TBX2: variants seen among roughly 807,000 people sequenced by gnomAD.
TBX2 encodes T-box transcription factor TBX2.
TBX2 carries 19 observed loss-of-function variants against 48.4 expected under a neutral mutation model. The observed-to-expected ratio is 0.39, with a 90% CI of 0.27 to 0.58. The LOEUF (loss-of-function observed/expected upper bound fraction) is 0.58, where lower values mean the gene tolerates loss of function less well. Ranked by LOEUF, TBX2 falls within the 20% of genes least tolerant of loss-of-function variation. TBX2 has a pLI of 0.54. For synonymous variants in TBX2, 522 were observed against 459.7 expected (o/e 1.14, Z -1.73); for missense variants, 994 against 1,006.5 (o/e 0.99, Z 0.17).
intron 2 of TBX2, 38 bp downstream of exon 2, chr17:61,401,989 T>G: frequency 6.5e-7 from 1 of 1,549,762 alleles, no homozygotes; most frequent in African/African-American, 1.4e-5. Flanking sequence ...TGCAGGAGCT[T>G]GTTGACCCAG....
intron 6 of TBX2, 123 bp from the exon 7 acceptor site, chr17:61,407,931 T>C (rs1043056459): frequency 2.4e-6 from 3 of 1,258,280 alleles, no homozygotes; most frequent in South Asian, 2.9e-5. Context: ...GTTATAGTTA[T>C]GCGAATTGTG....
intron 2 of TBX2, among the ~76,000 whole-genome samples, chr17:61,402,275 G>A (rs1184141799): frequency 6.6e-6 from 1 of 152,260 alleles, no homozygotes; most frequent in Non-Finnish European, 1.5e-5. Flanking sequence ...GACCACGGAG[G>A]TCACCCTGCT....
Position 61,400,260 on chromosome 17 carries a change from C to A in TBX2, c.84C>A (p.Ala28=). 1 of 1,203,142 alleles carries A rather than the reference C, an allele frequency of 8.3e-7. No homozygotes were observed. The highest frequency in any genetic ancestry group is 1.1e-6 in the Non-Finnish European group (1 of 944,944). The allele number at this position is 1,203,142 out of a possible 1,614,324, so 74.5% of individuals were successfully genotyped here. A position where few individuals can be genotyped will look rare whatever the true frequency, so the allele number is the denominator to read the frequency against. Residue 28 remains alanine, a synonymous_variant, in exon 1 of 7, where the codon GCC becomes GCA. Transcript: ENST00000240328. The surrounding 1 kb of genome is among the most constrained non-coding windows in gnomAD (Gnocchi z 9.2). ...APRPADFPMS[A]FLAAAQPSFF... ...GGCCCGCCGACTTCCCCATGTCCGC[C>A]TTTCTGGCGGCGGCGCAGCCCTCCT...
In TBX2 at chr17:61,404,588, T is replaced by A. The variant is rs745505516; in HGVS notation, c.888-18T>A. 6.3e-7 allele frequency: 1 copy of A among 1,589,718 alleles called. No homozygotes were observed. The highest frequency in any genetic ancestry group is 8.6e-7 in the Non-Finnish European group (1 of 1,166,450). ...GGGATGGGCTCCCCGCTGACCTGGTTCATCCGCTCATCCCCAGGAAGCAGC... is the reference window on the plus strand; with the variant it reads ...GGGATGGGCTCCCCGCTGACCTGGTACATCCGCTCATCCCCAGGAAGCAGC... On this transcript the variant is annotated intron_variant, in intron 4 of 6. Coordinates refer to ENST00000240328, the MANE Select transcript of TBX2 (RefSeq NM_005994.4).
intron 3 of TBX2, among the ~76,000 whole-genome samples, chr17:61,404,180 G>T (rs538234010): frequency 6.6e-6 from 1 of 152,290 alleles, no homozygotes; most frequent in South Asian, 2.1e-4. Flanking sequence ...CCTGTGTGGG[G>T]CTGTCTAGGC....
chr17:61,409,263 G>C lies in TBX2; in HGVS notation c.*757G>C, dbSNP rs3198587. 0.17 allele frequency: 26,168 copies of C among 152,252 alleles called. 2,680 individuals are homozygous for C. The highest frequency in any genetic ancestry group is 0.31 in the East Asian group (1,586 of 5,104). The allele number at this position is 152,252 out of a possible 1,614,324, so 9.4% of individuals were successfully genotyped here. Reference sequence around the variant, plus strand: ...TGAGCATCTATATTGTACAGGGCTGGGGGGGCCCTTGGCTGCGGGAGAAGG... The same window carrying C: ...TGAGCATCTATATTGTACAGGGCTGCGGGGGCCCTTGGCTGCGGGAGAAGG... On this transcript the variant is annotated 3_prime_UTR_variant, in exon 7 of 7. Transcript: ENST00000240328.
intron 2 of TBX2, 112 bp from the exon 3 acceptor site, chr17:61,402,949 A>AAGTG: frequency 4.9e-6 from 5 of 1,019,144 alleles, no homozygotes; most frequent in East Asian, 7.0e-5. Flanking sequence ...AGAGAGAGAG[A>AAGTG]GAGAGAGAGA....
In TBX2 at chr17:61,404,746, C is replaced by G; in HGVS notation, c.1028C>G (p.Pro343Arg). 1 of 1,549,912 alleles carries G rather than the reference C, an allele frequency of 6.5e-7. No individual in the cohort carries two copies. Among genetic ancestry groups the G allele is most frequent in the Non-Finnish European group, 8.7e-7 (1 of 1,149,674 alleles). ...ACCTCCCCGGGCGCAGCGCCCAGTC[C>G]GCTGCGCCTGCACCGGGCCCGAGGT... ...PPTSPGAAPS[P>R]LRLHRARAEE... is the part of the protein sequence containing the mutation. The change falls in exon 5 of 7, where the codon CCG becomes CGG. Residue 343 changes from proline to arginine, a missense_variant. Physicochemically the swap from Pro to Arg is moderately radical, Grantham distance 103. Transcript: ENST00000240328.
chr17:61,404,070 C>G (rs1054239380), intron 3 of TBX2, among the ~76,000 whole-genome samples: 5 of 152,218 alleles, frequency 3.3e-5, no homozygotes, highest in Admixed American at 1.3e-4. Flanking sequence ...ACTGCAGTCT[C>G]TGTTCGCGCC....
rs1431805015 is a variant in TBX2 at position 61,406,277 on chromosome 17, A to T, written c.1686+441A>T. The T allele has an allele frequency of 6.2e-6, 1 of 161,996 alleles. No individual in the cohort carries two copies. Among genetic ancestry groups the T allele is most frequent in the Non-Finnish European group, 1.3e-5 (1 of 74,984 alleles). 10.0% of individuals were successfully genotyped at this position (161,996 alleles called of 1,614,324 possible). ...CTGAAAGGCTAAGGTGGCCAGACAGACAAAGGGAGAAGGAACATTTGCATT... is the reference window on the plus strand; with the variant it reads ...CTGAAAGGCTAAGGTGGCCAGACAGTCAAAGGGAGAAGGAACATTTGCATT... On this transcript the variant is annotated intron_variant, in intron 6 of 6. Transcript: ENST00000240328. The surrounding 1 kb of genome is among the most constrained non-coding windows in gnomAD (Gnocchi z 5.7).
rs34493156 is a variant in TBX2, at chr17:61,408,360, C to T, written c.1993C>T (p.Arg665Cys). Reference sequence around the variant, plus strand: ...TAGCCCCCTGCCCGAGCTGGCTCTCCGCAAAGTAGGGGCCCCATCCCGCGG... The same window carrying T: ...TAGCCCCCTGCCCGAGCTGGCTCTCTGCAAAGTAGGGGCCCCATCCCGCGG... ...EPSPLPELAL[R>C]KVGAPSRGAL... is the part of the protein sequence containing the mutation. The change falls in exon 7 of 7, where the codon CGC becomes TGC. Residue 665 changes from arginine (R) to cysteine (C), a missense_variant. Physicochemically the swap from Arg to Cys is radical, Grantham distance 180. Coordinates refer to ENST00000240328, the MANE Select transcript of TBX2 (RefSeq NM_005994.4). 9.1e-5 allele frequency: 145 copies of T among 1,587,128 alleles called. No individual in the cohort carries two copies. The highest frequency in any genetic ancestry group is 5.2e-4 in the East Asian group (22 of 42,648).
rs559389477 is a variant in TBX2, at chr17:61,403,370, G to A, written c.810+163G>A. Among the ~76,000 whole-genome samples, 8 of 152,344 alleles carry A rather than the reference G, an allele frequency of 5.3e-5. No homozygotes were observed. Among genetic ancestry groups the A allele is most frequent in the African/African-American group, 1.7e-4 (7 of 41,582 alleles). The stretch of plus-strand genomic sequence containing the variant: ...TCGCATCCATACGCGCAGCACTCAC[G>A]GAAGTCCTCAAGGCGCCCTCTCAAT... On this transcript the variant is annotated intron_variant, in intron 3 of 6. Coordinates refer to ENST00000240328, the MANE Select transcript of TBX2 (RefSeq NM_005994.4). The surrounding 1 kb of genome is among the most constrained non-coding windows in gnomAD (Gnocchi z 5.8).
In TBX2 at chr17:61,404,329, C is replaced by T; in HGVS notation, c.811-92C>T. The T allele has an allele frequency of 4.1e-6, 6 of 1,453,808 alleles. No individual in the cohort carries two copies. In the South Asian group the frequency reaches 8.1e-5, roughly 20 times the overall value. The allele number at this position is 1,453,808 out of a possible 1,614,324, so 90.1% of individuals were successfully genotyped here. A position where few individuals can be genotyped will look rare whatever the true frequency, so the allele number is the denominator to read the frequency against. On this transcript the variant is annotated intron_variant, in intron 3 of 6. Coordinates refer to ENST00000240328, the MANE Select transcript of TBX2 (RefSeq NM_005994.4). ...CAAGTGGACGCTCCCCGGGTCTTCC[C>T]TCTGCGGCCAGCACCCGCTGACCTC...
intron 1 of TBX2, among the ~76,000 whole-genome samples, chr17:61,401,339 G>C (rs1246904512): frequency 1.3e-5 from 2 of 152,214 alleles, no homozygotes; most frequent in African/African-American, 4.8e-5. Flanking sequence ...CGAATTTCGG[G>C]GAGATTAAGG....
At chr17:61,402,968 G>GAGAGAGAGAGAA (rs1569015405) in intron 2 of TBX2, 93 bp from the exon 3 acceptor site, 3 of 185,028 alleles carry the variant, frequency 1.6e-5, no homozygotes, top group African/African-American at 5.9e-5. Context: ...GAGAGAGAGA[G>GAGAGAGAGAGAA]AGAAAGTGGA....
intron 3 of TBX2, 75 bp from the exon 4 acceptor site, chr17:61,404,346 G>T: frequency 6.7e-7 from 1 of 1,490,074 alleles, no homozygotes; most frequent in Middle Eastern, 2.3e-4. Flanking sequence ...GCCAGCACCC[G>T]CTGACCTCGG....
chr17:61,400,265 TG>T lies in TBX2; in HGVS notation c.91del (p.Ala31ArgfsTer77). The T allele has an allele frequency of 1.7e-6, 2 of 1,198,364 alleles. No individual in the cohort carries two copies. The highest frequency in any genetic ancestry group is 1.1e-6 in the Non-Finnish European group (1 of 942,252). 74.2% of individuals were successfully genotyped at this position (1,198,364 alleles called of 1,614,324 possible). On this transcript the variant is annotated frameshift_variant, in exon 1 of 7. Transcript: ENST00000240328. LOFTEE classifies it high-confidence loss of function. This position sits in a 1 kb window ranked among gnomAD's most constrained non-coding sequence, Gnocchi z 9.2. Reference sequence around the variant, plus strand: ...GCCGACTTCCCCATGTCCGCCTTTCTGGCGGCGGCGCAGCCCTCCTTCTTCC... The same window carrying T: ...GCCGACTTCCCCATGTCCGCCTTTCTGCGGCGGCGCAGCCCTCCTTCTTCC... The part of the protein sequence containing the change: ...RPADFPMSAF[L>X]AAAQPSFFPA...
At chr17:61,405,051 T>A (rs2060282138) in intron 5 of TBX2, 151 bp from the exon 6 acceptor site, 1 of 1,467,982 alleles carries the variant, frequency 6.8e-7, no homozygotes, top group Non-Finnish European at 9.2e-7. Flanking sequence ...AAATCTGGGG[T>A]CTTGGATTAG....
In TBX2 at chr17:61,401,047, G is replaced by C. The variant is rs934239252; in HGVS notation, c.395+476G>C. Among the ~76,000 whole-genome samples, 10 of 152,148 alleles carry C rather than the reference G, an allele frequency of 6.6e-5. No individual in the cohort carries two copies. The East Asian group carries it at 9.7e-4, about 15-fold the overall frequency. The stretch of plus-strand genomic sequence containing the variant: ...GTTCCTGGCAGCGAGCCCCGGGTCA[G>C]CCGAGCCCTCCGCCTCACCGGGCTG... On this transcript the variant is annotated intron_variant, in intron 1 of 6. Transcript: ENST00000240328.
Sources: allele counts gnomAD v4.1 joint callset (sites outside exome capture counted in the v4.1 genomes callset), GRCh38; gene constraint gnomAD v4.1.1; non-coding constraint Gnocchi (gnomAD v3.1); transcripts MANE v1.5; gene names NCBI Gene and HGNC (gene_info 2026-07-23, HGNC 2026-07-21).